The following EYA1 variants were observed in gnomAD, a reference collection of about 807,000 sequenced individuals.
EYA1 encodes the protein EYA transcriptional coactivator and phosphatase 1, also known as protein phosphatase EYA1.
A neutral mutation model predicts 82.0 loss-of-function variants in EYA1; 16 were observed. The ratio of observed to expected loss-of-function variants is 0.20; its 90% CI spans 0.13 to 0.30. The LOEUF is 0.30. EYA1 is among the 10% of genes least tolerant of loss of function. EYA1 has a pLI of 1.00. For synonymous variants in EYA1, 261 were observed against 264.4 expected, an observed-to-expected ratio of 0.99 and a Z score of 0.12; for missense variants, 633 against 730.7, an observed-to-expected ratio of 0.87 and a Z score of 1.54.
chr8:71,248,176 C>T lies in EYA1; in HGVS notation c.1051-3484G>A, dbSNP rs572298799. On this transcript the variant is annotated intron_variant, in intron 11 of 17. Coordinates refer to ENST00000340726, the MANE Select transcript of EYA1 (RefSeq NM_000503.6). ...GTCTTATTTACCTCTTAATGTTAAT[C>T]TCTTTTGTTATTAGCTGTCATTCCT... Among the ~76,000 whole-genome samples, 4 of 152,234 alleles carry T rather than the reference C, an allele frequency of 2.6e-5. No individual in the cohort carries two copies. The South Asian group carries it at 8.3e-4, about 32-fold the overall frequency.
At chr8:71,238,957 T>G (rs1397025367) in intron 12 of EYA1, among the ~76,000 whole-genome samples, 1 of 152,022 alleles carries the variant, frequency 6.6e-6, no homozygotes, top group Non-Finnish European at 1.5e-5. Context: ...ATAAATTTAT[T>G]TATAATATAT....
intron 2 of EYA1, among the ~76,000 whole-genome samples, chr8:71,511,979 T>C (rs1192401777): frequency 1.3e-5 from 2 of 152,048 alleles, no homozygotes; most frequent in East Asian, 3.9e-4. Flanking sequence ...CCCTCAATAG[T>C]AAAAAGCAGG....
intron 17 of EYA1, among the ~76,000 whole-genome samples, chr8:71,209,173 G>A (rs1808202991): frequency 6.6e-6 from 1 of 152,226 alleles, no homozygotes; most frequent in African/African-American, 2.4e-5. Flanking sequence ...AATAGGAATG[G>A]CTTGGGAATG....
Position 71,334,201 on chromosome 8 carries a change from T to C in EYA1, c.125-27A>G, listed in dbSNP as rs137898740. 4.2e-5 allele frequency: 62 copies of C among 1,472,736 alleles called. No individual in the cohort carries two copies. The African/African-American group carries it at 7.9e-4, about 19-fold the overall frequency. 91.2% of individuals were successfully genotyped at this position (1,472,736 alleles called of 1,614,324 possible). A position where few individuals can be genotyped will look rare whatever the true frequency, so the allele number is the denominator to read the frequency against. On this transcript the variant is annotated intron_variant, in intron 3 of 17. Transcript: ENST00000340726. ...TACAAAAATAAACAACATACATCGA[T>C]ATTGAATTAATAGTTATTTGTAAAG... is the stretch of plus-strand genomic sequence containing the variant.
At chr8:71,525,803 G>A (rs755814444) in intron 2 of EYA1, among the ~76,000 whole-genome samples, 1 of 152,142 alleles carries the variant, frequency 6.6e-6, no homozygotes, top group Non-Finnish European at 1.5e-5. Context: ...GGAGACAAGT[G>A]GGGGCTAAAG....
At chr8:71,444,881 C>T (rs996574449) in intron 2 of EYA1, among the ~76,000 whole-genome samples, 66 of 152,256 alleles carry the variant, frequency 4.3e-4, no homozygotes, top group African/African-American at 1.5e-3. Context: ...CCATTACCAA[C>T]CTATTTGTGG....
chr8:71,397,267 T>A (rs528310095), intron 2 of EYA1, among the ~76,000 whole-genome samples: 1 of 152,340 alleles, frequency 6.6e-6, no homozygotes, highest in East Asian at 1.9e-4. Flanking sequence ...GTCTTTTAAT[T>A]GGAGCATTTA....
chr8:71,210,783 C>T (rs750931923), intron 17 of EYA1, among the ~76,000 whole-genome samples: 15 of 152,218 alleles, frequency 9.9e-5, no homozygotes, highest in Admixed American at 7.9e-4. Flanking sequence ...TTGAAAGGTT[C>T]TTAGGCTGCG....
In EYA1 at chr8:71,198,705, A is replaced by C. The variant is rs536901293; in HGVS notation, c.*635T>G. ...CTACTATGCAATGTGCTAAAATTCA[A>C]AGTACTGTACTTGCCATGTTGTGAG... On this transcript the variant is annotated 3_prime_UTR_variant, in exon 18 of 18. Coordinates refer to ENST00000340726, the MANE Select transcript of EYA1 (RefSeq NM_000503.6). 1.3e-5 allele frequency: 2 copies of C among 155,066 alleles called. No homozygotes were observed. Among genetic ancestry groups the C allele is most frequent in the East Asian group, 3.8e-4 (2 of 5,228 alleles). The allele number at this position is 155,066 out of a possible 1,614,324, so 9.6% of individuals were successfully genotyped here. A position where few individuals can be genotyped will look rare whatever the true frequency, so the allele number is the denominator to read the frequency against.
chr8:71,451,881 G>A (rs1358749785), intron 2 of EYA1, among the ~76,000 whole-genome samples: 1 of 152,194 alleles, frequency 6.6e-6, no homozygotes, highest in Non-Finnish European at 1.5e-5. Flanking sequence ...TTCCAACTGA[G>A]GTATCAGGTT....
At chr8:71,334,910 A>C (rs1179699383) in intron 3 of EYA1, among the ~76,000 whole-genome samples, 4 of 152,242 alleles carry the variant, frequency 2.6e-5, no homozygotes, top group Non-Finnish European at 5.9e-5. Flanking sequence ...TTTATGCTAC[A>C]GATTCTCTAA....
intron 16 of EYA1, among the ~76,000 whole-genome samples, chr8:71,212,114 A>G (rs934832483): frequency 1.3e-5 from 2 of 152,192 alleles, no homozygotes; most frequent in African/African-American, 4.8e-5. Flanking sequence ...CAATAGGGTC[A>G]TTTTAATGGA....
At chr8:71,474,677 T>C (rs1809510009) in intron 2 of EYA1, among the ~76,000 whole-genome samples, 1 of 152,110 alleles carries the variant, frequency 6.6e-6, no homozygotes, top group Non-Finnish European at 1.5e-5. Flanking sequence ...GCCAAAGAAA[T>C]GGCAAGGGTT....
At chr8:71,287,087 A>G (rs1442862388) in intron 9 of EYA1, among the ~76,000 whole-genome samples, 2 of 151,656 alleles carry the variant, frequency 1.3e-5, no homozygotes, top group Non-Finnish European at 2.9e-5. Flanking sequence ...GGCGTGAGAC[A>G]CCCCGCTTGG....
At chr8:71,452,429 C>T (rs1807466424) in intron 2 of EYA1, among the ~76,000 whole-genome samples, 3 of 152,178 alleles carry the variant, frequency 2.0e-5, no homozygotes, top group Admixed American at 2.0e-4. Flanking sequence ...TAGTGGTTCT[C>T]CCAGCACGGA....
chr8:71,406,879 A>C (rs1370953081), intron 2 of EYA1, among the ~76,000 whole-genome samples: 24 of 145,470 alleles, frequency 1.6e-4, no homozygotes, highest in South Asian at 4.7e-4. Context: ...ACCACAGCTC[A>C]AGGAGGCCTG....
chr8:71,301,449 C>A (rs1333972484), intron 7 of EYA1, among the ~76,000 whole-genome samples: 2 of 152,132 alleles, frequency 1.3e-5, no homozygotes, highest in African/African-American at 4.8e-5. Context: ...ATTTACGTAT[C>A]TTTTCCCTCT....
chr8:71,233,728 C>T (rs28414055), intron 12 of EYA1, among the ~76,000 whole-genome samples: 4 of 151,914 alleles, frequency 2.6e-5, no homozygotes, highest in Non-Finnish European at 4.4e-5. Flanking sequence ...TCTGACTTAA[C>T]GTAATATGAA....
At position 71,222,186 on chromosome 8, in the gene EYA1, T is replaced by C. The variant is rs73684721; in HGVS notation, c.1141-5163A>G. Among the ~76,000 whole-genome samples the C allele has an allele frequency of 5.4e-3, 820 of 152,268 alleles. 11 individuals are homozygous for C. Among genetic ancestry groups the C allele is most frequent in the African/African-American group, 0.019 (770 of 41,554 alleles). On this transcript the variant is annotated intron_variant, in intron 12 of 17. Transcript: ENST00000340726. ...ATTCTTTCTTCTGAGGAGGTAAGAATTGAGGTTGCTGCAGACCATAGGGAT... is the reference window on the plus strand; with the variant it reads ...ATTCTTTCTTCTGAGGAGGTAAGAACTGAGGTTGCTGCAGACCATAGGGAT...
Sources: gnomAD v4.1 joint callset for allele counts (sites outside exome capture counted in the v4.1 genomes callset) on GRCh38, gnomAD v4.1.1 for gene constraint, MANE v1.5 for transcripts, NCBI Gene and HGNC (gene_info 2026-07-23, HGNC 2026-07-21) for gene names.